Variants in IMMP2L observed in about 807,000 individuals in gnomAD.
IMMP2L encodes the protein mitochondrial inner membrane protease subunit 2.
A neutral mutation model predicts 19.3 loss-of-function variants in IMMP2L; 18 were observed. That is an observed-to-expected ratio of 0.93 (90% CI 0.64 to 1.38). The LOEUF is 1.38. IMMP2L is among the 40% of genes most tolerant of loss of function. The pLI is 0.00. For synonymous variants in IMMP2L, 76 were observed against 73.0 expected (o/e 1.04, Z -0.21); for missense variants, 233 against 218.2 (o/e 1.07, Z -0.43).
intron 3 of IMMP2L, among the ~76,000 whole-genome samples, chr7:111,042,141 T>C (rs1055504657): frequency 1.3e-5 from 2 of 152,176 alleles, no homozygotes; most frequent in Admixed American, 1.3e-4. Context: ...TAAAGTTGCA[T>C]GTCCTGAGTT....
chr7:111,492,682 G>A (rs1247534081), intron 2 of IMMP2L, among the ~76,000 whole-genome samples: 3 of 152,098 alleles, frequency 2.0e-5, no homozygotes, highest in African/African-American at 4.8e-5. Context: ...GTAATTGTTA[G>A]AACCAAAAGG....
intron 1 of IMMP2L, among the ~76,000 whole-genome samples, chr7:111,527,682 T>C (rs1022659308): frequency 6.6e-6 from 1 of 152,064 alleles, no homozygotes; most frequent in South Asian, 2.1e-4. Flanking sequence ...CCAGTGCCAA[T>C]GATGTAAAAG....
chr7:110,737,671 G>C (rs943994274), intron 5 of IMMP2L, among the ~76,000 whole-genome samples: 1 of 152,284 alleles, frequency 6.6e-6, no homozygotes, highest in Middle Eastern at 3.4e-3. Context: ...TACTTAACCA[G>C]TTGTCCCTAG....
chr7:110,945,348 A>T (rs890959929), intron 4 of IMMP2L, among the ~76,000 whole-genome samples: 1 of 152,026 alleles, frequency 6.6e-6, no homozygotes, highest in African/African-American at 2.4e-5. Context: ...ATCAGTTAGG[A>T]TGCAGCCACA....
chr7:111,322,636 T>C (rs1824854521), intron 3 of IMMP2L, among the ~76,000 whole-genome samples: 1 of 151,584 alleles, frequency 6.6e-6, no homozygotes, highest in Non-Finnish European at 1.5e-5. Context: ...TTAGTAATAT[T>C]AATACTAATA....
chr7:111,333,412 C>A (rs143270763), intron 3 of IMMP2L, among the ~76,000 whole-genome samples: 3 of 151,822 alleles, frequency 2.0e-5, no homozygotes, highest in African/African-American at 7.3e-5. Flanking sequence ...CCTGGTTGTA[C>A]GAAGGATAGT....
chr7:111,046,321 A>T (rs1792391968), intron 3 of IMMP2L, among the ~76,000 whole-genome samples: 1 of 152,102 alleles, frequency 6.6e-6, no homozygotes, highest in African/African-American at 2.4e-5. Context: ...TAATGCAATT[A>T]AAAAAATAAA....
At chr7:111,173,585 T>C (rs1367108130) in intron 3 of IMMP2L, among the ~76,000 whole-genome samples, 1 of 151,652 alleles carries the variant, frequency 6.6e-6, no homozygotes, top group East Asian at 1.9e-4. Context: ...CTCGTTCTTT[T>C]TCTCAAGTTT....
intron 5 of IMMP2L, among the ~76,000 whole-genome samples, chr7:110,798,969 T>C (rs117502066): frequency 0.024 from 3,633 of 152,124 alleles, 61 homozygotes; most frequent in Middle Eastern, 0.044. Flanking sequence ...TGCTGACTTT[T>C]GATAAAAACT....
chr7:111,352,507 T>C (rs975251448), intron 3 of IMMP2L, among the ~76,000 whole-genome samples: 1 of 151,878 alleles, frequency 6.6e-6, no homozygotes, highest in Non-Finnish European at 1.5e-5. Flanking sequence ...CTGTGCCTGG[T>C]CATACTGTTT....
intron 4 of IMMP2L, among the ~76,000 whole-genome samples, chr7:110,936,120 A>T (rs1816085643): frequency 6.6e-6 from 1 of 152,186 alleles, no homozygotes; most frequent in Non-Finnish European, 1.5e-5. Context: ...AGGCAACACT[A>T]TTCAGGACAT....
At chr7:111,263,601 G>T (rs1209482494) in intron 3 of IMMP2L, among the ~76,000 whole-genome samples, 1 of 152,130 alleles carries the variant, frequency 6.6e-6, no homozygotes, top group Admixed American at 6.6e-5. Context: ...GGGATAGACA[G>T]ATAAATTTGG....
chr7:110,884,120 T>C (rs1363203067), intron 5 of IMMP2L, among the ~76,000 whole-genome samples: 2 of 152,030 alleles, frequency 1.3e-5, no homozygotes, highest in African/African-American at 2.4e-5. Context: ...CAAATACAAA[T>C]ACAAAATTTA....
chr7:111,387,899 C>T (rs1192773705), intron 3 of IMMP2L, among the ~76,000 whole-genome samples: 4 of 148,292 alleles, frequency 2.7e-5, no homozygotes, highest in Admixed American at 2.0e-4. Flanking sequence ...TCACCTGAAA[C>T]CAGGAGGCAG....
In IMMP2L at chr7:110,717,293, G is replaced by A. The variant is rs964013606; in HGVS notation, c.409-53572C>T. ...AGATGGAGACCATCCTGGCTAATAC[G>A]GTGAAACCCCATCTCTACTAAAAAT... is the stretch of plus-strand genomic sequence containing the variant. On this transcript the variant is annotated intron_variant, in intron 5 of 5. Coordinates refer to ENST00000405709, the MANE Select transcript of IMMP2L (RefSeq NM_032549.4). Among the ~76,000 whole-genome samples, 4 of 152,048 alleles carry A rather than the reference G, an allele frequency of 2.6e-5. No individual in the cohort carries two copies. The South Asian group carries it at 6.2e-4, about 24-fold the overall frequency.
intron 3 of IMMP2L, among the ~76,000 whole-genome samples, chr7:110,991,249 A>T (rs1249402441): frequency 6.6e-6 from 1 of 152,146 alleles, no homozygotes; most frequent in African/African-American, 2.4e-5. Context: ...TGAGGCTCCC[A>T]CCATGTTAAA....
chr7:111,258,938 T>C (rs999446162), intron 3 of IMMP2L, among the ~76,000 whole-genome samples: 4 of 152,262 alleles, frequency 2.6e-5, no homozygotes, highest in African/African-American at 9.6e-5. Context: ...AATTTAATCA[T>C]TATGTGAAGT....
intron 3 of IMMP2L, among the ~76,000 whole-genome samples, chr7:111,089,383 TAA>T (rs1796619897): frequency 1.3e-5 from 2 of 152,216 alleles, no homozygotes; most frequent in African/African-American, 4.8e-5. Context: ...ATTAATCACT[TAA>T]GATACCATGG....
chr7:111,187,188 T>C (rs1237891096), intron 3 of IMMP2L, among the ~76,000 whole-genome samples: 1 of 152,150 alleles, frequency 6.6e-6, no homozygotes, highest in Non-Finnish European at 1.5e-5. Context: ...GGTGGTGTTC[T>C]AATAGTCTGT....
Sources: allele counts gnomAD v4.1 joint callset (sites outside exome capture counted in the v4.1 genomes callset), GRCh38; gene constraint gnomAD v4.1.1; transcripts MANE v1.5; gene names NCBI Gene and HGNC (gene_info 2026-07-23, HGNC 2026-07-21).